The following STK3 variants were observed in gnomAD, a reference collection of about 807,000 sequenced individuals.
STK3 encodes serine/threonine-protein kinase 3.
In STK3, 41 loss-of-function variants were observed where a neutral mutation model predicts 58.0. The observed-to-expected ratio is 0.71, with a 90% CI of 0.55 to 0.92. The LOEUF is 0.92. STK3 is among the 40% of genes least tolerant of loss of function. The probability of loss-of-function intolerance (pLI) is 0.00; values close to 1 mark genes in which losing one functional copy is unlikely to be tolerated. For synonymous variants in STK3, 170 were observed against 191.0 expected (o/e 0.89, Z 0.91); for missense variants, 479 against 602.7 (o/e 0.79, Z 2.15).
At chr8:98,491,162 C>A (rs910507687) in intron 10 of STK3, among the ~76,000 whole-genome samples, 3 of 142,844 alleles carry the variant, frequency 2.1e-5, no homozygotes, top group African/African-American at 7.9e-5. Flanking sequence ...AAAATAAACA[C>A]GAGAGAGAGA....
intron 10 of STK3, among the ~76,000 whole-genome samples, chr8:98,526,202 G>A (rs976664242): frequency 1.3e-5 from 2 of 151,898 alleles, no homozygotes; most frequent in Non-Finnish European, 2.9e-5. Flanking sequence ...GAAATAATGA[G>A]AAAATGTAAC....
At chr8:98,713,943 G>A (rs560557158) in intron 4 of STK3, among the ~76,000 whole-genome samples, 2 of 152,282 alleles carry the variant, frequency 1.3e-5, no homozygotes, top group Admixed American at 1.3e-4. Context: ...TGATCAAGTT[G>A]GATTCATCCC....
At chr8:98,717,935 T>C (rs1177313219) in intron 4 of STK3, among the ~76,000 whole-genome samples, 1 of 152,106 alleles carries the variant, frequency 6.6e-6, no homozygotes, top group Non-Finnish European at 1.5e-5. Flanking sequence ...CTAAATGAAG[T>C]AAGTCGGTCA....
the STK3 span, among the ~76,000 whole-genome samples, chr8:98,348,022 C>A: frequency 3.3e-5 from 5 of 152,126 alleles, no homozygotes; most frequent in African/African-American, 1.2e-4. Context: ...TACTATAAAT[C>A]TACGATAATC....
chr8:98,740,158 G>A (rs1010863056), intron 4 of STK3, among the ~76,000 whole-genome samples: 1 of 152,136 alleles, frequency 6.6e-6, no homozygotes, highest in Non-Finnish European at 1.5e-5. Flanking sequence ...GAACCAAGTT[G>A]GAAAACACTC....
rs1367309803 is a variant in STK3 at position 98,777,724 on chromosome 8, A to C, written c.27-2905T>G. ...ACTTCTAAGACAAAAGCCACTGTTA[A>C]TGAGGCAGACGATTCTCGAGGAAAC... On this transcript the variant is annotated intron_variant, in intron 1 of 10. Coordinates refer to ENST00000419617, the MANE Select transcript of STK3 (RefSeq NM_006281.4). 2.0e-5 allele frequency among the ~76,000 whole-genome samples: 3 copies of C among 152,214 alleles called. No individual in the cohort carries two copies. The East Asian group carries it at 5.8e-4, about 29-fold the overall frequency.
intron 1 of STK3, among the ~76,000 whole-genome samples, chr8:98,936,622 G>A (rs1387471612): frequency 1.3e-5 from 2 of 152,190 alleles, no homozygotes; most frequent in Non-Finnish European, 2.9e-5. Context: ...TGAGACAGAG[G>A]GGGAGCAGGA....
At chr8:98,408,823 T>G (rs935759695) in intron 3 of STK3, among the ~76,000 whole-genome samples, 3 of 152,244 alleles carry the variant, frequency 2.0e-5, no homozygotes, top group Non-Finnish European at 4.4e-5. Context: ...TCTAATCAAA[T>G]GAAACCTTCC....
At chr8:98,858,323 TAGAGAGAG>T (rs1554691273) in intron 3 of STK3, among the ~76,000 whole-genome samples, 16 of 16,278 alleles carry the variant, frequency 9.8e-4, no homozygotes, top group African/African-American at 3.5e-3. Flanking sequence ...TATATATATA[TAGAGAGAG>T]AGAGAGAGAG....
At chr8:98,518,232 G>C (rs1825084337) in intron 10 of STK3, among the ~76,000 whole-genome samples, 1 of 151,992 alleles carries the variant, frequency 6.6e-6, no homozygotes, top group Non-Finnish European at 1.5e-5. Context: ...ACTTAAATTT[G>C]TAAGGGAAAT....
chr8:98,888,418 T>A (rs1220576123), intron 1 of STK3, among the ~76,000 whole-genome samples: 1 of 152,194 alleles, frequency 6.6e-6, no homozygotes, highest in East Asian at 1.9e-4. Flanking sequence ...GCCTCCGGTG[T>A]CTGAGGCTTG....
chr8:98,605,146 T>C, intron 6 of STK3, among the ~76,000 whole-genome samples: 1 of 152,220 alleles, frequency 6.6e-6, no homozygotes, highest in East Asian at 1.9e-4. Context: ...TGTCTTCTTA[T>C]GAGCCCTCCA....
chr8:98,708,547 G>C (rs963570378), intron 4 of STK3, among the ~76,000 whole-genome samples: 1 of 152,144 alleles, frequency 6.6e-6, no homozygotes, highest in African/African-American at 2.4e-5. Flanking sequence ...GGGGAGAGTA[G>C]AGAAGGCCGA....
At chr8:98,772,789 C>G (rs963860285) in intron 2 of STK3, among the ~76,000 whole-genome samples, 2 of 152,178 alleles carry the variant, frequency 1.3e-5, no homozygotes, top group Admixed American at 6.5e-5. Flanking sequence ...ATCTGCTCCC[C>G]CTTTGCCTTC....
chr8:98,899,162 A>T (rs1838564067), intron 1 of STK3, among the ~76,000 whole-genome samples: 1 of 152,230 alleles, frequency 6.6e-6, no homozygotes, highest in African/African-American at 2.4e-5. Context: ...CATTACTGTT[A>T]CACCCAGAAG....
At chr8:98,355,348 C>T in the STK3 span, among the ~76,000 whole-genome samples, 1 of 152,202 alleles carries the variant, frequency 6.6e-6, no homozygotes, top group Non-Finnish European at 1.5e-5. Context: ...TTGCATGTGG[C>T]AGAAAATGGC....
At chr8:98,460,318 G>A (rs1819851160) in intron 10 of STK3, among the ~76,000 whole-genome samples, 1 of 152,134 alleles carries the variant, frequency 6.6e-6, no homozygotes, top group South Asian at 2.1e-4. Flanking sequence ...TCTCCCATTT[G>A]GAATAAGAGC....
chr8:98,692,522 CAT>C (rs1442135982), intron 6 of STK3, among the ~76,000 whole-genome samples: 1 of 151,956 alleles, frequency 6.6e-6, no homozygotes, highest in African/African-American at 2.4e-5. Flanking sequence ...CAGTCAAACT[CAT>C]AGAGACAGGA....
chr8:98,570,242 C>T (rs192161697), intron 8 of STK3, among the ~76,000 whole-genome samples: 1 of 151,654 alleles, frequency 6.6e-6, no homozygotes, highest in East Asian at 1.9e-4. Context: ...CATCCTCCCA[C>T]CTCAGGCTCC....
Sources: gnomAD v4.1 joint callset for allele counts (sites outside exome capture counted in the v4.1 genomes callset) on GRCh38, gnomAD v4.1.1 for gene constraint, MANE v1.5 for transcripts, NCBI Gene and HGNC (gene_info 2026-07-23, HGNC 2026-07-21) for gene names.